PEX5L: variants seen among roughly 807,000 people sequenced by gnomAD.
PEX5L encodes the protein peroxisomal biogenesis factor 5 like, also known as PEX5-related protein.
PEX5L carries 30 observed loss-of-function variants against 84.0 expected under a neutral mutation model. That is an observed-to-expected ratio of 0.36 (90% CI 0.27 to 0.48). The LOEUF (loss-of-function observed/expected upper bound fraction) is 0.48, where lower values mean the gene tolerates loss of function less well. PEX5L is among the 20% of genes least tolerant of loss of function. PEX5L has a pLI of 0.99. For synonymous variants in PEX5L, 270 were observed against 283.1 expected (o/e 0.95, Z 0.46); for missense variants, 533 against 754.6 (o/e 0.71, Z 3.44).
intron 1 of PEX5L, among the ~76,000 whole-genome samples, chr3:179,995,042 C>CTATA (rs150512881): frequency 0.028 from 4,023 of 145,532 alleles, 184 homozygotes; most frequent in African/African-American, 0.096. Flanking sequence ...ATAAACTCCC[C>CTATA]TATATATATA....
intron 8 of PEX5L, among the ~76,000 whole-genome samples, chr3:179,852,491 G>C (rs1742305337): frequency 6.6e-6 from 1 of 152,164 alleles, no homozygotes. Context: ...ATTTTGAAGG[G>C]AGTATCAAAT....
intron 8 of PEX5L, among the ~76,000 whole-genome samples, chr3:179,821,750 C>A (rs1325215749): frequency 6.6e-6 from 1 of 152,160 alleles, no homozygotes; most frequent in African/African-American, 2.4e-5. Context: ...TTTTTAATGG[C>A]TTTTTCTAGT....
At chr3:179,967,777 C>T (rs207464117) in intron 2 of PEX5L, among the ~76,000 whole-genome samples, 1 of 152,096 alleles carries the variant, frequency 6.6e-6, no homozygotes, top group Non-Finnish European at 1.5e-5. Flanking sequence ...TTCTCTGACC[C>T]GGTGATTCAT....
intron 2 of PEX5L, among the ~76,000 whole-genome samples, chr3:179,933,445 C>CT (rs11425606): frequency 0.76 from 114,306 of 150,418 alleles, 43,479 homozygotes; most frequent in East Asian, 0.79. Context: ...ATACAATTCT[C>CT]TTTTTTTTTT....
chr3:179,947,952 T>A (rs1206312393), intron 2 of PEX5L, among the ~76,000 whole-genome samples: 4 of 152,030 alleles, frequency 2.6e-5, no homozygotes, highest in African/African-American at 9.7e-5. Context: ...ATGATCTGCC[T>A]GCCTCGGCCT....
chr3:179,902,929 A>G (rs7637613), intron 2 of PEX5L, among the ~76,000 whole-genome samples: 41,819 of 152,038 alleles, frequency 0.28, 6,171 homozygotes, highest in Non-Finnish European at 0.33. Context: ...ATTATCTAAC[A>G]TATGAATTTT....
At chr3:179,913,322 T>C (rs1232180492) in intron 2 of PEX5L, among the ~76,000 whole-genome samples, 3 of 152,178 alleles carry the variant, frequency 2.0e-5, no homozygotes, top group Admixed American at 2.0e-4. Context: ...ATAAATTATA[T>C]GTCTATGGGT....
At chr3:179,981,467 T>C (rs765079275) in intron 1 of PEX5L, among the ~76,000 whole-genome samples, 3 of 152,196 alleles carry the variant, frequency 2.0e-5, no homozygotes, top group Non-Finnish European at 4.4e-5. Flanking sequence ...GACAGATAGC[T>C]GACCCCACAC....
intron 11 of PEX5L, among the ~76,000 whole-genome samples, chr3:179,811,543 A>G (rs975533450): frequency 2.6e-5 from 4 of 152,184 alleles, no homozygotes; most frequent in Non-Finnish European, 4.4e-5. Context: ...AGTCTACTTT[A>G]TGACTGGGTT....
intron 1 of PEX5L, among the ~76,000 whole-genome samples, chr3:180,027,114 G>GGCA (rs59468962): frequency 7.3e-5 from 11 of 151,528 alleles, no homozygotes; most frequent in East Asian, 3.9e-4. Context: ...GGTTTCTGTG[G>GGCA]GCAGCAGCAG....
intron 2 of PEX5L, among the ~76,000 whole-genome samples, chr3:179,925,080 C>A (rs1446650030): frequency 3.3e-4 from 50 of 152,160 alleles, no homozygotes; most frequent in Non-Finnish European, 2.9e-5. Context: ...AGAAACTCAT[C>A]TTCCCTTTCC....
intron 14 of PEX5L, chr3:179,803,960 G>A (rs772921368): frequency 5.3e-5 from 8 of 152,204 alleles, no homozygotes; most frequent in Non-Finnish European, 1.0e-4. Flanking sequence ...GCCTACTTGA[G>A]TAGACCTTTT....
intron 8 of PEX5L, among the ~76,000 whole-genome samples, chr3:179,829,422 A>C (rs947644934): frequency 6.6e-6 from 1 of 152,332 alleles, no homozygotes; most frequent in African/African-American, 2.4e-5. Context: ...TCTTGGGGTT[A>C]GATCAGGTTA....
chr3:179,898,869 A>G (rs931442003), intron 2 of PEX5L, among the ~76,000 whole-genome samples: 23 of 152,178 alleles, frequency 1.5e-4, no homozygotes, highest in Admixed American at 1.2e-3. Context: ...GAGACCAAAT[A>G]ATTTTAATAG....
At chr3:180,024,874 ATTG>A (rs1269536858) in intron 1 of PEX5L, among the ~76,000 whole-genome samples, 2 of 152,166 alleles carry the variant, frequency 1.3e-5, no homozygotes, top group Non-Finnish European at 2.9e-5. Flanking sequence ...TATTATCAAA[ATTG>A]TTGTTGACAA....
chr3:179,807,294 C>T (rs1051014326), intron 14 of PEX5L, among the ~76,000 whole-genome samples: 1 of 152,172 alleles, frequency 6.6e-6, no homozygotes, highest in African/African-American at 2.4e-5. Flanking sequence ...CCCACACCCC[C>T]AAGGCTCTTT....
In PEX5L at chr3:179,994,533, T is replaced by C. The variant is rs370822364; in HGVS notation, c.22-22868A>G. 1.1e-4 allele frequency among the ~76,000 whole-genome samples: 17 copies of C among 152,268 alleles called. 1 individual carries two copies. The East Asian group carries it at 2.1e-3, about 19-fold the overall frequency. ...CCAGAGTAAAGTGTTTAGGGCACAC[T>C]TGACACCCCTGGATAGGGCCAGAGG... On this transcript the variant is annotated intron_variant, in intron 1 of 14. Coordinates refer to ENST00000467460, the MANE Select transcript of PEX5L (RefSeq NM_016559.3).
intron 1 of PEX5L, among the ~76,000 whole-genome samples, chr3:179,998,049 G>A (rs1475335203): frequency 6.6e-6 from 1 of 152,146 alleles, no homozygotes; most frequent in Non-Finnish European, 1.5e-5. Context: ...AAAACACACT[G>A]GAGTTATTGG....
chr3:179,882,368 TC>T (rs1754424948), intron 4 of PEX5L, among the ~76,000 whole-genome samples: 2 of 152,202 alleles, frequency 1.3e-5, no homozygotes, highest in South Asian at 4.1e-4. Context: ...TAAGGTTCTT[TC>T]CCCCTCCAAA....
Sources: allele counts gnomAD v4.1 joint callset (sites outside exome capture counted in the v4.1 genomes callset), GRCh38; gene constraint gnomAD v4.1.1; transcripts MANE v1.5; gene names NCBI Gene and HGNC (gene_info 2026-07-23, HGNC 2026-07-21).